The following OR52N5 variants were observed in gnomAD, a reference collection of about 807,000 sequenced individuals.
OR52N5 encodes olfactory receptor 52N5.
A neutral mutation model predicts 14.1 loss-of-function variants in OR52N5; 10 were observed. The observed-to-expected ratio is 0.71, with a 90% CI of 0.44 to 1.20. The LOEUF (loss-of-function observed/expected upper bound fraction) is 1.20. Ranked by LOEUF, OR52N5 falls within the 50% of genes most tolerant of loss-of-function variation. The pLI, the probability that OR52N5 is intolerant of heterozygous loss-of-function variation, is 0.00. For synonymous variants in OR52N5, 116 were observed against 143.0 expected, an observed-to-expected ratio of 0.81 and a Z score of 1.35; for missense variants, 361 against 403.2, an observed-to-expected ratio of 0.90 and a Z score of 0.90.
In OR52N5 at chr11:5,781,748, T is replaced by A. The variant is rs772544292; in HGVS notation, c.-239A>T. 4.3e-5 allele frequency: 6 copies of A among 140,668 alleles called. 1 individual carries two copies. The highest frequency in any genetic ancestry group is 9.4e-5 in the Non-Finnish European group (6 of 63,526). The allele number at this position is 140,668 out of a possible 1,614,324, so 8.7% of individuals were successfully genotyped here. On this transcript the variant is annotated 5_prime_UTR_variant, in exon 2 of 3. Coordinates refer to ENST00000641181, the MANE Select transcript of OR52N5 (RefSeq NM_001385662.1). ...ACAAAATACATGTAGCATCCATGGT[T>A]GCCTCTGGCTGTTTACAACAGAAAA...
rs1394951677 is a variant in OR52N5, at chr11:5,776,343, T to C, written c.*1317A>G. ...CAATCATTTCACCAATTGGTTGACATTTAACTGGGAAAGCCATACCATATA... is the reference window on the plus strand; with the variant it reads ...CAATCATTTCACCAATTGGTTGACACTTAACTGGGAAAGCCATACCATATA... On this transcript the variant is annotated 3_prime_UTR_variant, in exon 3 of 3. Coordinates refer to ENST00000641181, the MANE Select transcript of OR52N5 (RefSeq NM_001385662.1). 1 of 140,524 alleles carries C rather than the reference T, an allele frequency of 7.1e-6. No homozygotes were observed. The highest frequency in any genetic ancestry group is 1.6e-5 in the Non-Finnish European group (1 of 63,426). 8.7% of individuals were successfully genotyped at this position (140,524 alleles called of 1,614,324 possible). A position where few individuals can be genotyped will look rare whatever the true frequency, so the allele number is the denominator to read the frequency against.
In OR52N5 at chr11:5,777,564, G is replaced by T; in HGVS notation, c.*96C>A. 1 of 941,500 alleles carries T rather than the reference G, an allele frequency of 1.1e-6. No individual in the cohort carries two copies. The highest frequency in any genetic ancestry group is 1.5e-6 in the Non-Finnish European group (1 of 667,278). The allele number at this position is 941,500 out of a possible 1,614,324, so 58.3% of individuals were successfully genotyped here. A position where few individuals can be genotyped will look rare whatever the true frequency, so the allele number is the denominator to read the frequency against. ...ACATAGACTGAGAGAGAAAATGTAT[G>T]ATACTACACATGAATAAATGTAAAA... On this transcript the variant is annotated 3_prime_UTR_variant, in exon 3 of 3. Transcript: ENST00000641181.
rs1385257681 is a variant in OR52N5 at position 5,778,080 on chromosome 11, A to G, written c.555T>C (p.His185=). Reference sequence around the variant, plus strand: ...CTACAGACATGTGGTCGCAGTACGTATGGGAGATAATATTGCTTTGGCAGA... The same window carrying G: ...CTACAGACATGTGGTCGCAGTACGTGTGGGAGATAATATTGCTTTGGCAGA... ...LPFCQSNIIS[H]TYCDHMSVVK... The change falls in exon 3 of 3, where the codon CAT becomes CAC. Residue 185 remains histidine (H), a synonymous_variant. Coordinates refer to ENST00000641181, the MANE Select transcript of OR52N5 (RefSeq NM_001385662.1). 2 of 1,519,398 alleles carry G rather than the reference A, an allele frequency of 1.3e-6. No individual in the cohort carries two copies. The highest frequency in any genetic ancestry group is 1.8e-6 in the Non-Finnish European group (2 of 1,112,448). 94.1% of individuals were successfully genotyped at this position (1,519,398 alleles called of 1,614,324 possible). A position where few individuals can be genotyped will look rare whatever the true frequency, so the allele number is the denominator to read the frequency against.
rs76873290 is a variant in OR52N5 at position 5,778,271 on chromosome 11, C to T, written c.364G>A (p.Gly122Arg). The T allele has an allele frequency of 8.4e-4, 1,277 of 1,521,206 alleles. 221 individuals are homozygous for T. In the African/African-American group the frequency reaches 0.017, roughly 20 times the overall value. 94.2% of individuals were successfully genotyped at this position (1,521,206 alleles called of 1,614,324 possible). A position where few individuals can be genotyped will look rare whatever the true frequency, so the allele number is the denominator to read the frequency against. The change falls in exon 3 of 3, where the codon GGG (glycine) becomes AGG (arginine). Residue 122 changes from glycine to arginine, a missense_variant. Physicochemically the swap from Gly to Arg is moderately radical, Grantham distance 125 (BLOSUM62 -2). Transcript: ENST00000641181. ...TCTAGAGCCATGAGCATGAGCACCC[C>T]AGACTCCACACCTGTGAACCCATGA... is the stretch of plus-strand genomic sequence containing the variant. ...FVHGFTGVESGVLMLMALDRY... is the reference protein window; with the variant it reads ...FVHGFTGVESRVLMLMALDRY...
chr11:5,781,535 C>T lies in OR52N5; in HGVS notation c.-26G>A, dbSNP rs1854548758. 2 of 140,534 alleles carry T rather than the reference C, an allele frequency of 1.4e-5. No homozygotes were observed. The highest frequency in any genetic ancestry group is 2.3e-4 in the South Asian group (1 of 4,292). The allele number at this position is 140,534 out of a possible 1,614,324, so 8.7% of individuals were successfully genotyped here. A position where few individuals can be genotyped will look rare whatever the true frequency, so the allele number is the denominator to read the frequency against. ...GGTATAATAATAACAAAACATACCA[C>T]ATCAAGATATGCTGCAGCTTACGAC... On this transcript the variant is annotated splice_region_variant and 5_prime_UTR_variant, in exon 2 of 3. In the 5' UTR this introduces an upstream ATG that the reference lacks. Transcript: ENST00000641181.
Position 5,779,937 on chromosome 11 carries a change from T to C in OR52N5, c.-23-1280A>G, listed in dbSNP as rs1008969390. On this transcript the variant is annotated intron_variant, in intron 2 of 2. Transcript: ENST00000641181. ...GTCACATCAACATATCTATTTTCTG[T>C]AGTCTATCTTCAGAAAAAAAACTTT... 2.3e-4 allele frequency among the ~76,000 whole-genome samples: 32 copies of C among 140,018 alleles called. 7 individuals are homozygous for C. Among genetic ancestry groups the C allele is most frequent in the African/African-American group, 8.3e-4 (32 of 38,364 alleles). The allele number at this position is 140,018 out of a possible 152,430, so 91.9% of individuals were successfully genotyped here.
In OR52N5 at chr11:5,780,051, C is replaced by T. The variant is rs1425335105; in HGVS notation, c.-23-1394G>A. On this transcript the variant is annotated intron_variant, in intron 2 of 2. Coordinates refer to ENST00000641181, the MANE Select transcript of OR52N5 (RefSeq NM_001385662.1). ...CTAGCCACATCCATTTATTTCTTGG[C>T]ATTGCCTCTTTAGTATTTCATAAGT... Among the ~76,000 whole-genome samples, 5 of 140,032 alleles carry T rather than the reference C, an allele frequency of 3.6e-5. 1 individual carries two copies. Among genetic ancestry groups the T allele is most frequent in the Non-Finnish European group, 7.9e-5 (5 of 63,194 alleles). The allele number at this position is 140,032 out of a possible 152,430, so 91.9% of individuals were successfully genotyped here.
chr11:5,778,540 T>G lies in OR52N5; in HGVS notation c.95A>C (p.His32Pro), dbSNP rs756444266. 6.6e-7 allele frequency: 1 copy of G among 1,512,212 alleles called. No homozygotes were observed. The highest frequency in any genetic ancestry group is 2.3e-5 in the East Asian group (1 of 42,832). The allele number at this position is 1,512,212 out of a possible 1,614,324, so 93.7% of individuals were successfully genotyped here. Residue 32 changes from histidine (H) to proline (P), a missense_variant, in exon 3 of 3, where the codon CAT becomes CCT. By Grantham distance (77) the His-to-Pro change is moderately conservative. Transcript: ENST00000641181. ...LNGIPGLERVHVWISLPLCTM... is the reference protein window; with the variant it reads ...LNGIPGLERVPVWISLPLCTM... Reference sequence around the variant, plus strand: ...GCAGAGTGGGAGGGAGATCCATACATGTACTCTTTCCAGACCAGGTATTCC... The same window carrying G: ...GCAGAGTGGGAGGGAGATCCATACAGGTACTCTTTCCAGACCAGGTATTCC...
rs1161839970 is a variant in OR52N5 at position 5,782,981 on chromosome 11, T to C, written c.-248+314A>G. Among the ~76,000 whole-genome samples the C allele has an allele frequency of 2.2e-5, 3 of 138,322 alleles. 1 individual carries two copies. Among genetic ancestry groups the C allele is most frequent in the Admixed American group, 1.5e-4 (2 of 13,384 alleles). 90.7% of individuals were successfully genotyped at this position (138,322 alleles called of 152,430 possible). A position where few individuals can be genotyped will look rare whatever the true frequency, so the allele number is the denominator to read the frequency against. ...CAGTAAAGTTCTTACTGTCCACTTC[T>C]CTGACCCTGGCATTACAGCACATAT... is the stretch of plus-strand genomic sequence containing the variant. On this transcript the variant is annotated intron_variant, in intron 1 of 2. Coordinates refer to ENST00000641181, the MANE Select transcript of OR52N5 (RefSeq NM_001385662.1).
rs945774141 is a variant in OR52N5, at chr11:5,777,132, T to C, written c.*528A>G. ...CAACATGGCTCAAAGAGAATTTGAA[T>C]GTTTCCAATAAAAAGAAAAGATAAA... On this transcript the variant is annotated 3_prime_UTR_variant, in exon 3 of 3. Transcript: ENST00000641181. The C allele has an allele frequency of 7.1e-6, 1 of 139,960 alleles. No homozygotes were observed. 8.7% of individuals were successfully genotyped at this position (139,960 alleles called of 1,614,324 possible). A position where few individuals can be genotyped will look rare whatever the true frequency, so the allele number is the denominator to read the frequency against.
rs763843928 is a variant in OR52N5, at chr11:5,778,296, A to C, written c.339T>G (p.Val113=). Reference sequence around the variant, plus strand: ...CAGACTCCACACCTGTGAACCCATGAACAAAGAACATCTGGGCCAAGCAAG... The same window carrying C: ...CAGACTCCACACCTGTGAACCCATGCACAAAGAACATCTGGGCCAAGCAAG... ...FNACLAQMFF[V]HGFTGVESGV... is the part of the protein sequence containing the mutation. Residue 113 remains valine, a synonymous_variant, in exon 3 of 3, where the codon GTT becomes GTG. Transcript: ENST00000641181. 6.6e-7 allele frequency: 1 copy of C among 1,521,280 alleles called. No individual in the cohort carries two copies. Among genetic ancestry groups the C allele is most frequent in the South Asian group, 1.2e-5 (1 of 85,854 alleles). The allele number at this position is 1,521,280 out of a possible 1,614,324, so 94.2% of individuals were successfully genotyped here. A position where few individuals can be genotyped will look rare whatever the true frequency, so the allele number is the denominator to read the frequency against.
rs893236446 is a variant in OR52N5 at position 5,781,577 on chromosome 11, T to C, written c.-68A>G. On this transcript the variant is annotated 5_prime_UTR_variant, in exon 2 of 3. Coordinates refer to ENST00000641181, the MANE Select transcript of OR52N5 (RefSeq NM_001385662.1). Reference sequence around the variant, plus strand: ...GCTTACGACCTTGTGTCAATCACAATTGCTTGTCCATCCTTGATGACAATG... The same window carrying C: ...GCTTACGACCTTGTGTCAATCACAACTGCTTGTCCATCCTTGATGACAATG... The C allele has an allele frequency of 1.4e-5, 2 of 140,414 alleles. No individual in the cohort carries two copies. The highest frequency in any genetic ancestry group is 5.2e-5 in the African/African-American group (2 of 38,364). 8.7% of individuals were successfully genotyped at this position (140,414 alleles called of 1,614,324 possible).
In OR52N5 at chr11:5,777,059, C is replaced by T. The variant is rs927019120; in HGVS notation, c.*601G>A. On this transcript the variant is annotated 3_prime_UTR_variant, in exon 3 of 3. Coordinates refer to ENST00000641181, the MANE Select transcript of OR52N5 (RefSeq NM_001385662.1). ...GTTAAAAAGAATAAGACATAGTGTT[C>T]AATAGTACAGTGGATAACTGTAGTT... 3.6e-5 allele frequency: 5 copies of T among 138,714 alleles called. 1 individual carries two copies. The highest frequency in any genetic ancestry group is 1.3e-4 in the African/African-American group (5 of 37,858). 8.6% of individuals were successfully genotyped at this position (138,714 alleles called of 1,614,324 possible). A position where few individuals can be genotyped will look rare whatever the true frequency, so the allele number is the denominator to read the frequency against.
rs761697778 is a variant in OR52N5 at position 5,778,502 on chromosome 11, T to C, written c.133A>G (p.Ile45Val). The change falls in exon 3 of 3, where the codon ATC (isoleucine) becomes GTC (valine). Residue 45 changes from isoleucine (I) to valine (V), a missense_variant. Ile to Val is a conservative substitution (Grantham distance 29). Transcript: ENST00000641181. ...ISLPLCTMYIIFLVGNLGLVY... is the reference protein window; with the variant it reads ...ISLPLCTMYIVFLVGNLGLVY... ...AGACCAAGATTCCCCACAAGGAAGA[T>C]GATGTACATTGTGCAGAGTGGGAGG... The C allele has an allele frequency of 2.0e-6, 3 of 1,517,788 alleles. No individual in the cohort carries two copies. The Admixed American group carries it at 5.4e-5, about 27-fold the overall frequency. The allele number at this position is 1,517,788 out of a possible 1,614,324, so 94.0% of individuals were successfully genotyped here. A position where few individuals can be genotyped will look rare whatever the true frequency, so the allele number is the denominator to read the frequency against.
In OR52N5 at chr11:5,777,793, G is replaced by A. The variant is rs1490779427; in HGVS notation, c.842C>T (p.Ser281Phe). The A allele has an allele frequency of 2.6e-6, 4 of 1,520,978 alleles. 1 individual carries two copies. The South Asian group carries it at 4.7e-5, about 18-fold the overall frequency. 94.2% of individuals were successfully genotyped at this position (1,520,978 alleles called of 1,614,324 possible). A position where few individuals can be genotyped will look rare whatever the true frequency, so the allele number is the denominator to read the frequency against. Residue 281 changes from serine (S) to phenylalanine (F), a missense_variant, in exon 3 of 3, where the codon TCT (serine) becomes TTT (phenylalanine). Transcript: ENST00000641181. ...AAGATTAGCCACAATGATGTGAAGA[G>A]AAGGGGGAATTGTGTGTCCCCCAAA... ...HRFGGHTIPP[S>F]LHIIVANLYL...
In OR52N5 at chr11:5,776,696, A is replaced by G. The variant is rs1010685890; in HGVS notation, c.*964T>C. 2 of 140,080 alleles carry G rather than the reference A, an allele frequency of 1.4e-5. No homozygotes were observed. Among genetic ancestry groups the G allele is most frequent in the African/African-American group, 5.2e-5 (2 of 38,330 alleles). 8.7% of individuals were successfully genotyped at this position (140,080 alleles called of 1,614,324 possible). Reference sequence around the variant, plus strand: ...CTGGCTTATTTCATTTAACATGCTAATTTCCAGCTTCATCCATGATGCTGC... The same window carrying G: ...CTGGCTTATTTCATTTAACATGCTAGTTTCCAGCTTCATCCATGATGCTGC... On this transcript the variant is annotated 3_prime_UTR_variant, in exon 3 of 3. Coordinates refer to ENST00000641181, the MANE Select transcript of OR52N5 (RefSeq NM_001385662.1).
chr11:5,782,803 A>T (rs567545124), intron 1 of OR52N5, among the ~76,000 whole-genome samples: 1 of 139,244 alleles, frequency 7.2e-6, no homozygotes, highest in South Asian at 2.4e-4. Context: ...GACAGTACCC[A>T]GCTTAAAAAA....
chr11:5,778,469 G>A lies in OR52N5; in HGVS notation c.166C>T (p.Leu56Phe). 6.6e-7 allele frequency: 1 copy of A among 1,517,288 alleles called. No individual in the cohort carries two copies. Among genetic ancestry groups the A allele is most frequent in the South Asian group, 1.2e-5 (1 of 85,754 alleles). The allele number at this position is 1,517,288 out of a possible 1,614,324, so 94.0% of individuals were successfully genotyped here. A position where few individuals can be genotyped will look rare whatever the true frequency, so the allele number is the denominator to read the frequency against. The change falls in exon 3 of 3, where the codon CTC (leucine) becomes TTC (phenylalanine). Residue 56 changes from leucine to phenylalanine, a missense_variant. Physicochemically the swap from Leu to Phe is conservative, Grantham distance 22. Transcript: ENST00000641181. ...TGTAAGGACTCCTCATAATAAATGAGGTACACAAGACCAAGATTCCCCACA... is the reference window on the plus strand; with the variant it reads ...TGTAAGGACTCCTCATAATAAATGAAGTACACAAGACCAAGATTCCCCACA... The part of the protein sequence containing the change: ...FLVGNLGLVY[L>F]IYYEESLHHP...
At position 5,777,747 on chromosome 11, in the gene OR52N5, A is replaced by C; in HGVS notation, c.888T>G (p.Thr296=). The change falls in exon 3 of 3, where the codon ACT becomes ACG. Residue 296 remains threonine, a synonymous_variant. Transcript: ENST00000641181. The stretch of plus-strand genomic sequence containing the variant: ...TTACTCCATAAACAATAGGGTTTAG[A>C]GTTGGGGGAAGAAGAAGATAAAGAT... ...VANLYLLLPP[T]LNPIVYGVKT... The C allele has an allele frequency of 6.6e-7, 1 of 1,518,352 alleles. No homozygotes were observed. The highest frequency in any genetic ancestry group is 9.0e-7 in the Non-Finnish European group (1 of 1,112,144). 94.1% of individuals were successfully genotyped at this position (1,518,352 alleles called of 1,614,324 possible).
Sources: allele counts gnomAD v4.1 joint callset (sites outside exome capture counted in the v4.1 genomes callset), GRCh38; gene constraint gnomAD v4.1.1; transcripts MANE v1.5; gene names NCBI Gene and HGNC (gene_info 2026-07-23, HGNC 2026-07-21).